The following MYT1L variants were observed in gnomAD, a reference collection of about 807,000 sequenced individuals.
MYT1L encodes myelin transcription factor 1-like protein.
In MYT1L, 12 loss-of-function variants were observed where a neutral mutation model predicts 126.7. The ratio of observed to expected loss-of-function variants is 0.09; its 90% CI spans 0.06 to 0.15. The LOEUF (loss-of-function observed/expected upper bound fraction) is 0.15, where lower values mean the gene tolerates loss of function less well. MYT1L is among the 10% of genes least tolerant of loss of function. The pLI, the probability that MYT1L is intolerant of heterozygous loss-of-function variation, is 1.00. For missense variants in MYT1L, 979 were observed against 1,585.2 expected, an observed-to-expected ratio of 0.62 and a Z score of 6.49; for synonymous variants, 541 against 604.2, an observed-to-expected ratio of 0.90 and a Z score of 1.53.
chr2:2,230,784 C>T (rs1053333431), intron 2 of MYT1L, among the ~76,000 whole-genome samples: 3 of 152,206 alleles, frequency 2.0e-5, no homozygotes, highest in African/African-American at 7.2e-5. Flanking sequence ...CCAGTCTTAC[C>T]TTTGATCCTC....
chr2:2,133,332 G>A (rs553232125), intron 3 of MYT1L, among the ~76,000 whole-genome samples: 1 of 152,178 alleles, frequency 6.6e-6, no homozygotes, highest in Middle Eastern at 3.4e-3. Context: ...ACGGAACAAG[G>A]CACATCACAA....
At position 1,835,080 on chromosome 2, in the gene MYT1L, C is replaced by G. The variant is rs549385213; in HGVS notation, c.3080+4069G>C. Among the ~76,000 whole-genome samples the G allele has an allele frequency of 2.8e-5, 4 of 145,090 alleles. No individual in the cohort carries two copies. The East Asian group carries it at 8.0e-4, about 29-fold the overall frequency. On this transcript the variant is annotated intron_variant, in intron 21 of 24. Transcript: ENST00000647738. ...ATGGATACAGGTGCTCCTCCATATA[C>G]CACGGGGATGGATACAGGTGCTCCT...
intron 8 of MYT1L, among the ~76,000 whole-genome samples, chr2:1,954,900 T>C (rs1430142670): frequency 1.3e-5 from 2 of 150,732 alleles, no homozygotes; most frequent in African/African-American, 2.4e-5. Flanking sequence ...ACCCTGTCTC[T>C]ACTTAATAAA....
intron 4 of MYT1L, among the ~76,000 whole-genome samples, chr2:2,014,632 C>A (rs1337050300): frequency 6.6e-6 from 1 of 152,230 alleles, no homozygotes; most frequent in African/African-American, 2.4e-5. Flanking sequence ...CTGCCTGACT[C>A]TGATTCATAA....
At chr2:2,260,535 A>G (rs1393168319) in intron 2 of MYT1L, among the ~76,000 whole-genome samples, 1 of 152,196 alleles carries the variant, frequency 6.6e-6, no homozygotes, top group African/African-American at 2.4e-5. Flanking sequence ...TAGCAGAACT[A>G]TCACCTACTT....
chr2:2,178,730 C>T (rs557372655), intron 2 of MYT1L, among the ~76,000 whole-genome samples: 2 of 152,066 alleles, frequency 1.3e-5, no homozygotes, highest in South Asian at 4.1e-4. Context: ...TGAAAGCAAT[C>T]GTAAGGATAG....
chr2:1,943,178 C>T lies in MYT1L; in HGVS notation c.309G>A (p.Glu103=). The T allele has an allele frequency of 7.1e-6, 11 of 1,551,410 alleles. No homozygotes were observed. The highest frequency in any genetic ancestry group is 9.6e-6 in the Non-Finnish European group (11 of 1,146,620). The change falls in exon 9 of 25, where the codon GAG becomes GAA. Residue 103 remains glutamate, a synonymous_variant. Transcript: ENST00000647738. The surrounding 1 kb of genome is among the most constrained non-coding windows in gnomAD (Gnocchi z 4.4). ...SDGTEDMDEK[E]EDEGEEYSED... ...CGGAGTACTCCTCCCCCTCATCCTC[C>T]TCCTTCTCATCCATGTCCTCAGTCC...
At chr2:2,315,255 T>G (rs2096046580) in intron 1 of MYT1L, among the ~76,000 whole-genome samples, 1 of 152,212 alleles carries the variant, frequency 6.6e-6, no homozygotes, top group Non-Finnish European at 1.5e-5. Flanking sequence ...TGCCTTACAC[T>G]GGCTTAAGAT....
intron 21 of MYT1L, chr2:1,824,863 G>GA (rs990923858): frequency 2.0e-5 from 3 of 152,240 alleles, no homozygotes; most frequent in African/African-American, 7.2e-5. Context: ...GAAAATCAGA[G>GA]AAAAAGGCAT....
chr2:2,307,607 C>A lies in MYT1L; in HGVS notation c.-520-23104G>T, dbSNP rs562564683. Among the ~76,000 whole-genome samples, 4 of 152,178 alleles carry A rather than the reference C, an allele frequency of 2.6e-5. 1 individual carries two copies. The South Asian group carries it at 8.3e-4, about 32-fold the overall frequency. The stretch of plus-strand genomic sequence containing the variant: ...AAGTCATAAACTTATCGCATAGAGA[C>A]TATTGTAAGTATGACACTCGTGATC... On this transcript the variant is annotated intron_variant, in intron 1 of 24. Coordinates refer to ENST00000647738, the MANE Select transcript of MYT1L (RefSeq NM_001303052.2).
chr2:2,143,535 A>G lies in MYT1L; in HGVS notation c.-304+29337T>C, dbSNP rs76357201. 6.1e-3 allele frequency among the ~76,000 whole-genome samples: 920 copies of G among 152,016 alleles called. 12 individuals carry two copies. Among genetic ancestry groups the G allele is most frequent in the African/African-American group, 0.021 (884 of 41,466 alleles). On this transcript the variant is annotated intron_variant, in intron 3 of 24. Transcript: ENST00000647738. ...CTCTCAGGGGGTAGGAGCCTCACTT[A>G]CTCACGTACCACTGAGCCTTTGTTT...
chr2:1,841,304 T>C (rs7590543), intron 19 of MYT1L: 16,800 of 81,476 alleles, frequency 0.21, 1,340 homozygotes, highest in East Asian at 0.39. Context: ...GCTGGGACTA[T>C]AGGCGCCCGC....
intron 4 of MYT1L, among the ~76,000 whole-genome samples, chr2:2,023,434 G>C (rs150583784): frequency 6.6e-6 from 1 of 151,936 alleles, no homozygotes; most frequent in South Asian, 2.1e-4. Flanking sequence ...GCTGAGCTCC[G>C]CCCAAAATTG....
At position 1,906,588 on chromosome 2, in the gene MYT1L, A is replaced by G. The variant is rs765521326; in HGVS notation, c.1818-3294T>C. On this transcript the variant is annotated intron_variant, in intron 13 of 24. Transcript: ENST00000647738. Reference sequence around the variant, plus strand: ...ATATATATCCAATTATATATATGTAAATTGGATATTGGTTAAATATCCAAT... The same window carrying G: ...ATATATATCCAATTATATATATGTAGATTGGATATTGGTTAAATATCCAAT... 2.0e-5 allele frequency among the ~76,000 whole-genome samples: 3 copies of G among 152,152 alleles called. No individual in the cohort carries two copies. In the East Asian group the frequency reaches 5.8e-4, roughly 29 times the overall value.
intron 3 of MYT1L, among the ~76,000 whole-genome samples, chr2:2,122,872 T>TGTGAGAGAGAGA (rs553951630): frequency 7.5e-5 from 10 of 132,990 alleles, no homozygotes; most frequent in African/African-American, 3.0e-4. Flanking sequence ...TGTGTGTGTG[T>TGTGAGAGAGAGA]GAGAGAGAGA....
intron 19 of MYT1L, among the ~76,000 whole-genome samples, chr2:1,851,377 G>C (rs938661722): frequency 6.6e-6 from 1 of 152,126 alleles, no homozygotes; most frequent in Non-Finnish European, 1.5e-5. Flanking sequence ...AGTGCAGCTG[G>C]ATAGGTGGAA....
At chr2:2,122,319 T>G (rs570051641) in intron 3 of MYT1L, among the ~76,000 whole-genome samples, 1 of 152,128 alleles carries the variant, frequency 6.6e-6, no homozygotes, top group Non-Finnish European at 1.5e-5. Context: ...CCCTCTCTCC[T>G]GGGGACTCTC....
intron 2 of MYT1L, among the ~76,000 whole-genome samples, chr2:2,256,159 A>C (rs903419214): frequency 2.6e-5 from 4 of 152,212 alleles, no homozygotes; most frequent in African/African-American, 7.2e-5. Flanking sequence ...CGGGCTGTAG[A>C]TGTGAGCACA....
chr2:1,913,868 T>A (rs370574289), intron 11 of MYT1L, among the ~76,000 whole-genome samples: 1 of 152,130 alleles, frequency 6.6e-6, no homozygotes, highest in East Asian at 1.9e-4. Flanking sequence ...TTCATCCATC[T>A]CAATCACATT....
Sources: allele counts gnomAD v4.1 joint callset (sites outside exome capture counted in the v4.1 genomes callset), GRCh38; gene constraint gnomAD v4.1.1; non-coding constraint Gnocchi (gnomAD v3.1); transcripts MANE v1.5; gene names NCBI Gene and HGNC (gene_info 2026-07-23, HGNC 2026-07-21).